DNM3: variants seen among roughly 807,000 people sequenced by gnomAD.
DNM3 encodes dynamin 3.
A neutral mutation model predicts 101.6 loss-of-function variants in DNM3; 47 were observed. The observed-to-expected ratio is 0.46, with a 90% CI of 0.37 to 0.59. The LOEUF (loss-of-function observed/expected upper bound fraction) is 0.59, where lower values mean the gene tolerates loss of function less well. Ranked by LOEUF, DNM3 falls within the 20% of genes least tolerant of loss-of-function variation. The pLI, the probability that DNM3 is intolerant of heterozygous loss-of-function variation, is 0.00. For synonymous variants in DNM3, 385 were observed against 387.9 expected (o/e 0.99, Z 0.09); for missense variants, 849 against 1,085.7 (o/e 0.78, Z 3.06).
At chr1:172,346,206 C>T (rs2066931666) in intron 17 of DNM3, among the ~76,000 whole-genome samples, 1 of 151,232 alleles carries the variant, frequency 6.6e-6, no homozygotes, top group African/African-American at 2.4e-5. Context: ...TGAATGGTCA[C>T]TTCAAAAGTA....
At chr1:172,333,766 A>G (rs2066296347) in intron 17 of DNM3, among the ~76,000 whole-genome samples, 1 of 152,212 alleles carries the variant, frequency 6.6e-6, no homozygotes, top group Non-Finnish European at 1.5e-5. Flanking sequence ...GTTATCCCTA[A>G]AATAGAAAAG....
chr1:172,282,557 C>T (rs1557928588), intron 15 of DNM3, among the ~76,000 whole-genome samples: 2 of 152,108 alleles, frequency 1.3e-5, no homozygotes, highest in Non-Finnish European at 2.9e-5. Flanking sequence ...AACCTAAAGC[C>T]CTCAAGACTT....
intron 17 of DNM3, among the ~76,000 whole-genome samples, chr1:172,341,785 A>T (rs1442002139): frequency 6.6e-6 from 1 of 152,148 alleles, no homozygotes; most frequent in South Asian, 2.1e-4. Context: ...ACCCTGGAAG[A>T]TAACTTAGGC....
At chr1:172,278,918 C>T (rs9425269) in intron 15 of DNM3, among the ~76,000 whole-genome samples, 2 of 152,076 alleles carry the variant, frequency 1.3e-5, no homozygotes, top group Non-Finnish European at 2.9e-5. Context: ...AGATCAGTCT[C>T]CCCATGCTTA....
At chr1:172,324,559 A>T (rs2065864042) in intron 17 of DNM3, among the ~76,000 whole-genome samples, 1 of 152,204 alleles carries the variant, frequency 6.6e-6, no homozygotes, top group Non-Finnish European at 1.5e-5. Context: ...AGGTGAACTC[A>T]GTCGACTTAT....
intron 17 of DNM3, among the ~76,000 whole-genome samples, chr1:172,345,618 T>C (rs1316555698): frequency 3.9e-5 from 6 of 152,216 alleles, no homozygotes; most frequent in African/African-American, 1.4e-4. Context: ...GTCTTCTTTA[T>C]CAAATACCTG....
chr1:172,049,819 T>C (rs2050079429), intron 10 of DNM3, among the ~76,000 whole-genome samples: 1 of 152,018 alleles, frequency 6.6e-6, no homozygotes, highest in Admixed American at 6.6e-5. Context: ...TGAGAATGAA[T>C]ATGAATATTA....
At chr1:172,038,567 A>C in intron 7 of DNM3, 106 bp downstream of exon 7, 1 of 1,358,998 alleles carries the variant, frequency 7.4e-7, no homozygotes, top group Non-Finnish European at 1.0e-6. Flanking sequence ...CAAGTAAACT[A>C]TATGAGGCTA....
At chr1:172,342,307 C>T (rs1160064193) in intron 17 of DNM3, among the ~76,000 whole-genome samples, 2 of 152,074 alleles carry the variant, frequency 1.3e-5, no homozygotes, top group Non-Finnish European at 2.9e-5. Flanking sequence ...CACATGCATG[C>T]ATATGTTCCT....
intron 15 of DNM3, among the ~76,000 whole-genome samples, chr1:172,297,200 A>G (rs2064210441): frequency 6.6e-6 from 1 of 151,624 alleles, no homozygotes; most frequent in Non-Finnish European, 1.5e-5. Flanking sequence ...GTTAAATACT[A>G]ACACTTGGAT....
intron 2 of DNM3, among the ~76,000 whole-genome samples, chr1:171,950,567 G>A (rs1459566815): frequency 6.6e-6 from 1 of 152,090 alleles, no homozygotes; most frequent in East Asian, 1.9e-4. Context: ...GATTTATTAG[G>A]ACATAACTTC....
In DNM3 at chr1:172,048,580, A is replaced by T. The variant is rs758702804; in HGVS notation, c.1197-32A>T. On this transcript the variant is annotated intron_variant, in intron 9 of 20. Coordinates refer to ENST00000627582, the MANE Select transcript of DNM3 (RefSeq NM_015569.5). ...TTTTGAATATTACTCAATTAAAAAA[A>T]TCTCATGGGCTGCTTGCTTTCTTAC... The T allele has an allele frequency of 7.7e-6, 12 of 1,566,398 alleles. No individual in the cohort carries two copies. In the South Asian group the frequency reaches 1.4e-4, roughly 19 times the overall value.
At chr1:171,909,868 T>C (rs1033032290) in intron 1 of DNM3, among the ~76,000 whole-genome samples, 3 of 152,176 alleles carry the variant, frequency 2.0e-5, no homozygotes, top group African/African-American at 7.2e-5. Context: ...CGGAGATCTT[T>C]TCTTCTCTAT....
chr1:172,398,272 C>T (rs2070180958), intron 20 of DNM3, among the ~76,000 whole-genome samples: 1 of 152,192 alleles, frequency 6.6e-6, no homozygotes, highest in African/African-American at 2.4e-5. Context: ...GATCCCTACG[C>T]CCAATTATAC....
intron 20 of DNM3, among the ~76,000 whole-genome samples, chr1:172,405,280 T>C (rs577665997): frequency 1.4e-3 from 207 of 152,194 alleles, no homozygotes; most frequent in African/African-American, 3.5e-3. Context: ...AAATATGTGG[T>C]TTCTTTTCTC....
intron 14 of DNM3, among the ~76,000 whole-genome samples, chr1:172,225,134 C>CTTTTTTTTTTTTTTTTTTT (rs1168334078): frequency 1.2e-4 from 8 of 65,528 alleles, no homozygotes; most frequent in South Asian, 7.3e-4. Context: ...TCTTCTTCCT[C>CTTTTTTTTTTTTTTTTTTT]TTTTTTTTTT....
intron 20 of DNM3, among the ~76,000 whole-genome samples, chr1:172,398,917 CAAGAGATTAAAACGGATTGGTTGAA>C (rs1319199936): frequency 2.6e-5 from 4 of 152,078 alleles, no homozygotes; most frequent in African/African-American, 9.7e-5. Flanking sequence ...TTCTTGTTGG[CAAGAGATTAAAACGGATTGGTTGAA>C]AATTTCCTTC....
intron 14 of DNM3, among the ~76,000 whole-genome samples, chr1:172,199,395 A>G (rs909121036): frequency 2.0e-5 from 3 of 151,970 alleles, no homozygotes; most frequent in African/African-American, 7.2e-5. Context: ...TTGATTCTGG[A>G]TGGAGAATTC....
chr1:172,244,303 G>A (rs996804816), intron 14 of DNM3, among the ~76,000 whole-genome samples: 44 of 151,996 alleles, frequency 2.9e-4, no homozygotes, highest in African/African-American at 9.4e-4. Flanking sequence ...CTTTGCTATC[G>A]TGAATAATGC....
Sources: allele counts gnomAD v4.1 joint callset (sites outside exome capture counted in the v4.1 genomes callset), GRCh38; gene constraint gnomAD v4.1.1; transcripts MANE v1.5; gene names NCBI Gene and HGNC (gene_info 2026-07-23, HGNC 2026-07-21).